The following GMFB variants were observed in gnomAD, a reference collection of about 807,000 sequenced individuals.
The protein encoded by GMFB is glia maturation factor beta.
GMFB carries 13 observed loss-of-function variants against 25.6 expected under a neutral mutation model. The ratio of observed to expected loss-of-function variants is 0.51; its 90% CI spans 0.33 to 0.81. The LOEUF is 0.81. Ranked by LOEUF, GMFB falls within the 30% of genes least tolerant of loss-of-function variation. GMFB has a pLI of 0.02. For synonymous variants in GMFB, 57 were observed against 56.9 expected (o/e 1.00, Z 0.00); for missense variants, 146 against 175.4 (o/e 0.83, Z 0.95).
In GMFB at chr14:54,479,799, G is replaced by A. The variant is rs1566496819; in HGVS notation, c.344C>T (p.Ala115Val). ...AGSKNKLVQT[A>V]ELTKVFEIRN... The stretch of plus-strand genomic sequence containing the variant: ...TATAAATACCACCTTGGTTAGTTCA[G>A]CTGTCTGGACTAGCTTATTCTTACT... The change falls in exon 6 of 7, where the codon GCT (alanine) becomes GTT (valine). Residue 115 changes from alanine (A) to valine (V), a missense_variant. Coordinates refer to ENST00000358056, the MANE Select transcript of GMFB (RefSeq NM_004124.3). The A allele has an allele frequency of 1.3e-6, 2 of 1,593,784 alleles. No homozygotes were observed. The highest frequency in any genetic ancestry group is 1.7e-6 in the Non-Finnish European group (2 of 1,162,002).
rs762124480 is a variant in GMFB at position 54,481,390 on chromosome 14, A to AGG, written c.200+18_200+19insCC. ...CCACTAAAGAAAATAAATCTTTTAA[A>AGG]GCACTAAGAAAAGGATATCGAGGTT... On this transcript the variant is annotated intron_variant, in intron 4 of 6. Coordinates refer to ENST00000358056, the MANE Select transcript of GMFB (RefSeq NM_004124.3). 1 of 1,535,506 alleles carries AGG rather than the reference A, an allele frequency of 6.5e-7. No homozygotes were observed. The highest frequency in any genetic ancestry group is 9.0e-7 in the Non-Finnish European group (1 of 1,108,844).
intron 1 of GMFB, 41 bp downstream of exon 1, chr14:54,488,884 C>T: frequency 6.5e-7 from 1 of 1,538,112 alleles, no homozygotes; most frequent in Non-Finnish European, 8.8e-7. Flanking sequence ...CTGGCCGGCT[C>T]GCCCAGCCCT....
intron 1 of GMFB, among the ~76,000 whole-genome samples, chr14:54,484,335 C>T (rs2031755634): frequency 6.6e-6 from 1 of 151,638 alleles, no homozygotes; most frequent in Admixed American, 6.6e-5. Flanking sequence ...TAAGAATGTG[C>T]AAAAGAAATA....
intron 1 of GMFB, among the ~76,000 whole-genome samples, chr14:54,484,698 C>T (rs2031759915): frequency 6.6e-6 from 1 of 152,058 alleles, no homozygotes; most frequent in Non-Finnish European, 1.5e-5. Flanking sequence ...CAGCATTACC[C>T]TGATACCACA....
At chr14:54,483,440 G>A (rs376828133) in intron 2 of GMFB, 28 of 483,600 alleles carry the variant, frequency 5.8e-5, no homozygotes, top group African/African-American at 5.1e-4. Context: ...CTTCTCCAGA[G>A]CTGTACAGGC....
At chr14:54,482,606 A>G (rs930540918) in intron 2 of GMFB, among the ~76,000 whole-genome samples, 1 of 152,224 alleles carries the variant, frequency 6.6e-6, no homozygotes, top group Non-Finnish European at 1.5e-5. Flanking sequence ...ATCAAAATAG[A>G]GAAACCTCAA....
In GMFB at chr14:54,488,947, G is replaced by T. The variant is rs545932220; in HGVS notation, c.-20C>A. On this transcript the variant is annotated 5_prime_UTR_variant, in exon 1 of 7. Transcript: ENST00000358056. ...CACCATTTTCCTTCCGGCCGTCAGCGGCCTGTCGCCTACACTCGGGCGCCT... is the reference window on the plus strand; with the variant it reads ...CACCATTTTCCTTCCGGCCGTCAGCTGCCTGTCGCCTACACTCGGGCGCCT... 1.9e-4 allele frequency: 302 copies of T among 1,559,340 alleles called. 1 individual carries two copies. Among genetic ancestry groups the T allele is most frequent in the South Asian group, 1.6e-3 (140 of 85,356 alleles).
At chr14:54,486,844 T>C (rs2031789078) in intron 1 of GMFB, among the ~76,000 whole-genome samples, 1 of 144,386 alleles carries the variant, frequency 6.9e-6, no homozygotes, top group Non-Finnish European at 1.5e-5. Context: ...CTTAACTCAC[T>C]CTCTTAACCA....
Position 54,481,337 on chromosome 14 carries a change from T to C in GMFB, c.200+72A>G, listed in dbSNP as rs1174997290. ...ACACAGAAGGATACTTTTAGATGTTTAACAAATGAGCTCACAAACAGGTCT... is the reference window on the plus strand; with the variant it reads ...ACACAGAAGGATACTTTTAGATGTTCAACAAATGAGCTCACAAACAGGTCT... On this transcript the variant is annotated intron_variant, in intron 4 of 6. Transcript: ENST00000358056. 8.1e-6 allele frequency: 8 copies of C among 988,868 alleles called. No homozygotes were observed. In the East Asian group the frequency reaches 1.9e-4, roughly 24 times the overall value. 61.3% of individuals were successfully genotyped at this position (988,868 alleles called of 1,614,324 possible).
chr14:54,486,199 G>A (rs12588771), intron 1 of GMFB, among the ~76,000 whole-genome samples: 9,339 of 152,182 alleles, frequency 0.061, 470 homozygotes, highest in East Asian at 0.27. Flanking sequence ...GCAGTGAGCC[G>A]AGATTGCACC....
chr14:54,479,704 A>C (rs909037039), intron 6 of GMFB, 82 bp downstream of exon 6: 12 of 771,624 alleles, frequency 1.6e-5, no homozygotes, highest in Middle Eastern at 2.6e-4. Context: ...CATAAAAAAT[A>C]CTCCTTTAGA....
chr14:54,482,361 C>T (rs2031724683), intron 2 of GMFB, among the ~76,000 whole-genome samples, 159 bp from the exon 3 acceptor site: 1 of 152,168 alleles, frequency 6.6e-6, no homozygotes, highest in Admixed American at 6.5e-5. Context: ...GGTTTATTAG[C>T]TAGCTTTGCT....
intron 6 of GMFB, chr14:54,478,831 T>G (rs2031673883): frequency 6.6e-6 from 1 of 152,122 alleles, no homozygotes; most frequent in African/African-American, 2.4e-5. Context: ...ACAGGGCTGT[T>G]GTAAGGATTC....
In GMFB at chr14:54,488,979, A is replaced by G. The variant is rs777139541; in HGVS notation, c.-52T>C. On this transcript the variant is annotated 5_prime_UTR_variant, in exon 1 of 7. Transcript: ENST00000358056. The stretch of plus-strand genomic sequence containing the variant: ...CGCCTACACTCGGGCGCCTTTAAGA[A>G]TGGCACGGCGGCCGCCTCCCTTCCT... The G allele has an allele frequency of 1.3e-6, 2 of 1,498,802 alleles. No homozygotes were observed. Among genetic ancestry groups the G allele is most frequent in the South Asian group, 2.5e-5 (2 of 79,524 alleles). 92.8% of individuals were successfully genotyped at this position (1,498,802 alleles called of 1,614,324 possible). A position where few individuals can be genotyped will look rare whatever the true frequency, so the allele number is the denominator to read the frequency against.
rs2140029481 is a variant in GMFB at position 54,476,285 on chromosome 14, C to A, written c.*1803G>T. 1 of 152,078 alleles carries A rather than the reference C, an allele frequency of 6.6e-6. No homozygotes were observed. The highest frequency in any genetic ancestry group is 1.9e-4 in the East Asian group (1 of 5,186). 9.4% of individuals were successfully genotyped at this position (152,078 alleles called of 1,614,324 possible). ...AAAACATGCAAGACAAAATAAGGAA[C>A]TTCATTAAAAAATACATTCTTGCAG... is the stretch of plus-strand genomic sequence containing the variant. On this transcript the variant is annotated 3_prime_UTR_variant, in exon 7 of 7. Transcript: ENST00000358056.
At position 54,488,962 on chromosome 14, in the gene GMFB, C is replaced by T. The variant is rs2031829177; in HGVS notation, c.-35G>A. 1.3e-6 allele frequency: 2 copies of T among 1,550,272 alleles called. No homozygotes were observed. The highest frequency in any genetic ancestry group is 1.7e-6 in the Non-Finnish European group (2 of 1,149,956). ...GGCCGTCAGCGGCCTGTCGCCTACA[C>T]TCGGGCGCCTTTAAGAATGGCACGG... On this transcript the variant is annotated 5_prime_UTR_variant, in exon 1 of 7. In the 5' UTR this introduces an upstream ATG that the reference lacks. Transcript: ENST00000358056.
intron 3 of GMFB, 100 bp downstream of exon 3, chr14:54,482,053 G>C: frequency 1.3e-6 from 1 of 742,912 alleles, no homozygotes; most frequent in Admixed American, 2.1e-5. Context: ...ATTTAAAGGA[G>C]GTTCAAGATT....
intron 1 of GMFB, 182 bp downstream of exon 1, chr14:54,488,743 G>A (rs1024525156): frequency 3.4e-5 from 18 of 525,614 alleles, no homozygotes; most frequent in South Asian, 1.1e-4. Context: ...GCTGCCCTGA[G>A]GCGTGGTGGC....
At position 54,476,392 on chromosome 14, in the gene GMFB, TC is replaced by T. The variant is rs2031640966; in HGVS notation, c.*1695del. 1 of 152,070 alleles carries T rather than the reference TC, an allele frequency of 6.6e-6. No individual in the cohort carries two copies. Among genetic ancestry groups the T allele is most frequent in the Non-Finnish European group, 1.5e-5 (1 of 67,924 alleles). 9.4% of individuals were successfully genotyped at this position (152,070 alleles called of 1,614,324 possible). A position where few individuals can be genotyped will look rare whatever the true frequency, so the allele number is the denominator to read the frequency against. On this transcript the variant is annotated 3_prime_UTR_variant, in exon 7 of 7. Transcript: ENST00000358056. ...CAAAAACATTAAAAACACTCTCCAC[TC>T]ACTTGGATTACATGTGCATTCCTAC...
Sources: allele counts gnomAD v4.1 joint callset (sites outside exome capture counted in the v4.1 genomes callset), GRCh38; gene constraint gnomAD v4.1.1; transcripts MANE v1.5; gene names NCBI Gene and HGNC (gene_info 2026-07-23, HGNC 2026-07-21).